The following ACSL4 variants were observed in gnomAD, a reference collection of about 807,000 sequenced individuals.
The protein encoded by ACSL4 is acyl-CoA synthetase long chain family member 4, also known as long-chain-fatty-acid--CoA ligase 4.
ACSL4 carries 9 observed loss-of-function variants against 49.1 expected under a neutral mutation model. The observed-to-expected ratio is 0.18, with a 90% confidence interval of 0.11 to 0.32. The LOEUF (loss-of-function observed/expected upper bound fraction) is 0.32, where lower values mean the gene tolerates loss of function less well. ACSL4 is among the 10% of genes least tolerant of loss of function. The pLI is 1.00. For missense variants in ACSL4, 333 were observed against 493.7 expected, an observed-to-expected ratio of 0.67 and a Z score of 3.08; for synonymous variants, 191 against 170.3, an observed-to-expected ratio of 1.12 and a Z score of -0.95.
intron 15 of ACSL4, among the ~76,000 whole-genome samples, chrX:109,646,333 C>T: frequency 8.9e-6 from 1 of 112,027 alleles, no homozygotes; most frequent in Non-Finnish European, 1.9e-5. Flanking sequence ...TCGGCAGAAA[C>T]TCTACAAGCC....
At chrX:109,653,039 T>G (rs1465687450) in intron 15 of ACSL4, among the ~76,000 whole-genome samples, 5 of 111,543 alleles carry the variant, frequency 4.5e-5, no homozygotes, top group African/African-American at 1.6e-4. Flanking sequence ...ACATTTTTAA[T>G]AAATAGAAAT....
intron 15 of ACSL4, among the ~76,000 whole-genome samples, chrX:109,658,352 C>T (rs1921867863): frequency 9.0e-6 from 1 of 111,597 alleles, no homozygotes; most frequent in South Asian, 3.7e-4. Flanking sequence ...TCCTCTTCAA[C>T]TGGCCTTCTG....
At chrX:109,698,913 T>C (rs976282415) in intron 1 of ACSL4, among the ~76,000 whole-genome samples, 1 of 112,653 alleles carries the variant, frequency 8.9e-6, no homozygotes, top group African/African-American at 3.2e-5. Context: ...AAGCAATATT[T>C]TGAAAACATT....
chrX:109,707,780 C>A (rs146789874), intron 1 of ACSL4, among the ~76,000 whole-genome samples: 2,938 of 111,586 alleles, frequency 0.026, 105 homozygotes, highest in African/African-American at 0.092. Context: ...AAATACTATG[C>A]GGCCATCAAA....
At chrX:109,711,798 A>G (rs1926766503) in intron 1 of ACSL4, among the ~76,000 whole-genome samples, 1 of 110,964 alleles carries the variant, frequency 9.0e-6, no homozygotes, top group South Asian at 3.8e-4. Context: ...CAGCACTTAA[A>G]TTTGTCTAAG....
chrX:109,650,227 CAT>C (rs1440969933), intron 15 of ACSL4, among the ~76,000 whole-genome samples: 1 of 111,245 alleles, frequency 9.0e-6, no homozygotes, highest in Non-Finnish European at 1.9e-5. Context: ...CAGATGCACA[CAT>C]ATGTTTACTG....
At chrX:109,714,966 G>C (rs749855051) in intron 1 of ACSL4, among the ~76,000 whole-genome samples, 1 of 112,045 alleles carries the variant, frequency 8.9e-6, no homozygotes, top group Non-Finnish European at 1.9e-5. Flanking sequence ...AAAAAAGCAA[G>C]AGGTGCAGTG....
At chrX:109,644,772 G>A (rs930727163) in intron 15 of ACSL4, among the ~76,000 whole-genome samples, 2 of 112,902 alleles carry the variant, frequency 1.8e-5, no homozygotes, top group Non-Finnish European at 3.8e-5. Context: ...GAGGTACCAG[G>A]TTCATCTCAC....
chrX:109,720,924 G>T (rs748919350), intron 1 of ACSL4, among the ~76,000 whole-genome samples: 1 of 112,034 alleles, frequency 8.9e-6, no homozygotes, highest in Non-Finnish European at 1.9e-5. Context: ...TCCAGGTGAA[G>T]AAATATCATT....
At chrX:109,702,480 T>C (rs780380658) in intron 1 of ACSL4, among the ~76,000 whole-genome samples, 1 of 112,382 alleles carries the variant, frequency 8.9e-6, no homozygotes, top group African/African-American at 3.2e-5. Flanking sequence ...AACTGCTGAT[T>C]CAAAAGGGTA....
Position 109,721,070 on chromosome X carries a change from C to CA in ACSL4, c.-66+12068dup, listed in dbSNP as rs764510961. Among the ~76,000 whole-genome samples, 9 of 112,593 alleles carry CA rather than the reference C, an allele frequency of 8.0e-5. No homozygotes were observed. The East Asian group carries it at 1.9e-3, about 24-fold the overall frequency. ...TCAACTGTTCTTTGAAGCTGCTTCT[C>CA]AACTTTCAGTCGTCATGTGGAACAT... is the stretch of plus-strand genomic sequence containing the variant. On this transcript the variant is annotated intron_variant, in intron 1 of 15. Transcript: ENST00000672401.
intron 1 of ACSL4, among the ~76,000 whole-genome samples, chrX:109,722,355 G>C (rs1416982925): frequency 9.0e-6 from 1 of 111,639 alleles, no homozygotes; most frequent in African/African-American, 3.3e-5. Context: ...AGATATCATA[G>C]AAAAAGGTTA....
At chrX:109,671,467 G>A (rs1383885466) in intron 9 of ACSL4, among the ~76,000 whole-genome samples, 7 of 106,950 alleles carry the variant, frequency 6.5e-5, no homozygotes, top group South Asian at 4.2e-4. Flanking sequence ...GGCAGCCCCC[G>A]CCCGACCAGC....
intron 1 of ACSL4, among the ~76,000 whole-genome samples, chrX:109,699,630 T>C (rs1311717084): frequency 2.7e-5 from 3 of 111,939 alleles, no homozygotes; most frequent in Non-Finnish European, 3.8e-5. Context: ...GAGTGTTACA[T>C]ATTCATAGAA....
chrX:109,645,586 G>A lies in ACSL4; in HGVS notation c.1856-1400C>T, dbSNP rs373206523. ...AAAGATGGGGAAAAAACAGAGCAGA[G>A]AAACTGGAAACTCTAAAAAGCAGAG... On this transcript the variant is annotated intron_variant, in intron 15 of 15. Coordinates refer to ENST00000672401, the MANE Select transcript of ACSL4 (RefSeq NM_001318510.2). 1.2e-4 allele frequency among the ~76,000 whole-genome samples: 13 copies of A among 111,647 alleles called. 1 individual carries two copies. The highest frequency in any genetic ancestry group is 2.8e-4 in the East Asian group (1 of 3,554).
intron 1 of ACSL4, among the ~76,000 whole-genome samples, chrX:109,706,944 T>C (rs1926394458): frequency 8.9e-6 from 1 of 112,575 alleles, no homozygotes; most frequent in Non-Finnish European, 1.9e-5. Context: ...AATGTATGTT[T>C]TGTTTTTGTT....
At chrX:109,701,564 T>C (rs1401218522) in intron 1 of ACSL4, among the ~76,000 whole-genome samples, 6 of 89,740 alleles carry the variant, frequency 6.7e-5, no homozygotes, top group Non-Finnish European at 1.3e-4. Flanking sequence ...TTTTTTTTTT[T>C]AGATGGAGTC....
rs1227281662 is a variant in ACSL4, at chrX:109,683,064, G to A, written c.228+72C>T. 1.2e-5 allele frequency: 13 copies of A among 1,098,693 alleles called. No individual in the cohort carries two copies. The East Asian group carries it at 1.2e-4, about 10-fold the overall frequency. 90.5% of individuals were successfully genotyped at this position (1,098,693 alleles called of 1,213,427 possible). ...AATAGAATGCCAGCATACTTAAAAC[G>A]CACTCGATTTATGATAAAACAAATG... On this transcript the variant is annotated intron_variant, in intron 3 of 15. Coordinates refer to ENST00000672401, the MANE Select transcript of ACSL4 (RefSeq NM_001318510.2).
chrX:109,643,465 C>G lies in ACSL4; in HGVS notation c.*564G>C, dbSNP rs1437210961. The G allele has an allele frequency of 8.8e-6, 1 of 113,275 alleles. No homozygotes were observed. Among genetic ancestry groups the G allele is most frequent in the Non-Finnish European group, 1.9e-5 (1 of 54,023 alleles). The allele number at this position is 113,275 out of a possible 1,213,427, so 9.3% of individuals were successfully genotyped here. On this transcript the variant is annotated 3_prime_UTR_variant, in exon 16 of 16. Transcript: ENST00000672401. Reference sequence around the variant, plus strand: ...AACATTACAATGACTCTATATCTAACCTATGCAACAATTATAATCTTAATA... The same window carrying G: ...AACATTACAATGACTCTATATCTAAGCTATGCAACAATTATAATCTTAATA...
Sources: gnomAD v4.1 joint callset for allele counts (sites outside exome capture counted in the v4.1 genomes callset) on GRCh38, gnomAD v4.1.1 for gene constraint, MANE v1.5 for transcripts, NCBI Gene and HGNC (gene_info 2026-07-23, HGNC 2026-07-21) for gene names.